Variants in NEO1 observed in about 807,000 individuals in gnomAD.
NEO1 encodes neogenin.
Under a neutral mutation model 159.7 loss-of-function variants are expected in NEO1, and 63 were observed. The observed-to-expected ratio is 0.39, with a 90% CI of 0.32 to 0.49. NEO1 has a LOEUF of 0.49. NEO1 is among the 20% of genes least tolerant of loss of function. The pLI is 0.85. For synonymous variants in NEO1, 633 were observed against 662.0 expected (o/e 0.96, Z 0.67); for missense variants, 1,615 against 1,831.0 (o/e 0.88, Z 2.15).
At chr15:73,075,832 A>AC (rs1336440250) in intron 1 of NEO1, among the ~76,000 whole-genome samples, 3 of 151,880 alleles carry the variant, frequency 2.0e-5, no homozygotes, top group Non-Finnish European at 2.9e-5. Flanking sequence ...CTGGAAGAAG[A>AC]CCCCCAAGAT....
chr15:73,158,925 CT>C (rs1170586065), intron 5 of NEO1, among the ~76,000 whole-genome samples: 1 of 152,126 alleles, frequency 6.6e-6, no homozygotes, highest in Non-Finnish European at 1.5e-5. Flanking sequence ...GCAGATCCAG[CT>C]TTTTTGAGGT....
chr15:73,087,773 A>G (rs983840964), intron 1 of NEO1, among the ~76,000 whole-genome samples: 10 of 152,152 alleles, frequency 6.6e-5, no homozygotes, highest in African/African-American at 1.7e-4. Context: ...CTCTGTATAC[A>G]TAATTGTATA....
chr15:73,216,810 T>C (rs1470698178), intron 7 of NEO1, among the ~76,000 whole-genome samples: 1 of 152,218 alleles, frequency 6.6e-6, no homozygotes, highest in African/African-American at 2.4e-5. Context: ...TTTGAATTCA[T>C]TGTAGATTCT....
Position 73,112,431 on chromosome 15 carries a change from T to A in NEO1, c.131-4109T>A, listed in dbSNP as rs180992226. Among the ~76,000 whole-genome samples the A allele has an allele frequency of 7.5e-3, 1,130 of 151,556 alleles. 8 individuals are homozygous for A. The highest frequency in any genetic ancestry group is 0.021 in the African/African-American group (872 of 41,294). ...TGTTATGGTATTTTGCCATAAAAAA[T>A]TTTTTTTTAATGCAATAAAGTAAAA... is the stretch of plus-strand genomic sequence containing the variant. On this transcript the variant is annotated intron_variant, in intron 1 of 28. Transcript: ENST00000261908.
chr15:73,134,543 C>A (rs11852881), intron 4 of NEO1, among the ~76,000 whole-genome samples: 19,626 of 151,420 alleles, frequency 0.13, 1,950 homozygotes, highest in African/African-American at 0.27. Flanking sequence ...TTTTTTTAAT[C>A]CTATAAGGAA....
chr15:73,145,951 C>T (rs1214913075), intron 5 of NEO1, among the ~76,000 whole-genome samples: 2 of 152,162 alleles, frequency 1.3e-5, no homozygotes, highest in Admixed American at 6.5e-5. Context: ...AACTTAATTT[C>T]AAGGGCAACC....
At chr15:73,104,028 T>A (rs2070544025) in intron 1 of NEO1, among the ~76,000 whole-genome samples, 1 of 152,106 alleles carries the variant, frequency 6.6e-6, no homozygotes, top group East Asian at 1.9e-4. Flanking sequence ...TTAATTTTTT[T>A]AAATGTATTT....
At chr15:73,173,658 A>G (rs1270766217) in intron 5 of NEO1, among the ~76,000 whole-genome samples, 4 of 152,206 alleles carry the variant, frequency 2.6e-5, no homozygotes, top group Non-Finnish European at 5.9e-5. Context: ...CCATATGCAA[A>G]CGTAAAACTT....
intron 7 of NEO1, among the ~76,000 whole-genome samples, chr15:73,179,703 A>G (rs901970352): frequency 6.6e-6 from 1 of 152,238 alleles, no homozygotes. Context: ...TTTGGAGCTG[A>G]GAGGCAGTAA....
chr15:73,188,881 C>A (rs898550638), intron 7 of NEO1, among the ~76,000 whole-genome samples: 3 of 151,990 alleles, frequency 2.0e-5, no homozygotes. Flanking sequence ...TTACTTGAGC[C>A]CAAAACTTCA....
At chr15:73,113,600 T>A (rs2071126674) in intron 1 of NEO1, among the ~76,000 whole-genome samples, 1 of 152,180 alleles carries the variant, frequency 6.6e-6, no homozygotes, top group Non-Finnish European at 1.5e-5. Context: ...TTGTGCCATC[T>A]TCATTTTGTA....
rs143134173 is a variant in NEO1 at position 73,249,911 on chromosome 15, G to A, written c.1894+190G>A. 2.8e-3 allele frequency among the ~76,000 whole-genome samples: 425 copies of A among 152,252 alleles called. 2 individuals are homozygous for A. Among genetic ancestry groups the A allele is most frequent in the African/African-American group, 9.8e-3 (408 of 41,544 alleles). ...AAATGTAGATAATACCAACTTCATT[G>A]AGTTGCTGTAAAGATTCAGTGAGAA... On this transcript the variant is annotated intron_variant, in intron 11 of 28. Transcript: ENST00000261908.
chr15:73,154,570 C>A (rs555081278), intron 5 of NEO1, among the ~76,000 whole-genome samples: 1 of 152,332 alleles, frequency 6.6e-6, no homozygotes, highest in South Asian at 2.1e-4. Flanking sequence ...TTAGCTCCCA[C>A]AAATAAGTGA....
intron 13 of NEO1, among the ~76,000 whole-genome samples, chr15:73,256,736 G>A (rs1013795191): frequency 6.6e-6 from 1 of 152,100 alleles, no homozygotes; most frequent in Admixed American, 6.5e-5. Flanking sequence ...TCCATATCAT[G>A]ACTGCAGTAG....
At chr15:73,284,298 T>G (rs1050881475) in intron 23 of NEO1, among the ~76,000 whole-genome samples, 6 of 152,220 alleles carry the variant, frequency 3.9e-5, no homozygotes, top group Non-Finnish European at 8.8e-5. Flanking sequence ...AATTCATGTT[T>G]ATGTGATTAT....
chr15:73,053,416 C>A (rs1162363076), intron 1 of NEO1, among the ~76,000 whole-genome samples: 2 of 152,168 alleles, frequency 1.3e-5, no homozygotes, highest in African/African-American at 4.8e-5. Flanking sequence ...CCTTGGAGAG[C>A]GGCTCGGAGT....
chr15:73,090,184 C>T (rs1483687174), intron 1 of NEO1, among the ~76,000 whole-genome samples: 4 of 151,942 alleles, frequency 2.6e-5, no homozygotes, highest in African/African-American at 9.7e-5. Flanking sequence ...TATATTATTC[C>T]ATTTATTTTA....
chr15:73,207,480 G>A (rs2037305431), intron 7 of NEO1, among the ~76,000 whole-genome samples: 1 of 152,138 alleles, frequency 6.6e-6, no homozygotes, highest in African/African-American at 2.4e-5. Context: ...CAAATCCTGT[G>A]TATCATTCAA....
At chr15:73,097,141 A>G (rs548719380) in intron 1 of NEO1, among the ~76,000 whole-genome samples, 1 of 152,216 alleles carries the variant, frequency 6.6e-6, no homozygotes, top group East Asian at 1.9e-4. Context: ...AACAATTAAT[A>G]ATAATGTAAA....
Sources: allele counts gnomAD v4.1 joint callset (sites outside exome capture counted in the v4.1 genomes callset), GRCh38; gene constraint gnomAD v4.1.1; transcripts MANE v1.5; gene names NCBI Gene and HGNC (gene_info 2026-07-23, HGNC 2026-07-21).